The following PRELID2 variants were observed in gnomAD, a reference collection of about 807,000 sequenced individuals.
PRELID2 encodes the protein PRELI domain containing 2, also known as PRELI domain-containing protein 2.
In PRELID2, 25 loss-of-function variants were observed where a neutral mutation model predicts 28.4. That is an observed-to-expected ratio of 0.88 (90% CI 0.64 to 1.23). The LOEUF (loss-of-function observed/expected upper bound fraction) is 1.23. Ranked by LOEUF, PRELID2 falls within the 50% of genes most tolerant of loss-of-function variation. The probability of loss-of-function intolerance (pLI) is 0.00; values close to 1 mark genes in which losing one functional copy is unlikely to be tolerated. For synonymous variants in PRELID2, 76 were observed against 71.6 expected, an observed-to-expected ratio of 1.06 and a Z score of -0.31; for missense variants, 201 against 214.4, an observed-to-expected ratio of 0.94 and a Z score of 0.39.
chr5:145,488,380 C>A (rs1752240994), intron 1 of PRELID2, among the ~76,000 whole-genome samples: 1 of 152,138 alleles, frequency 6.6e-6, no homozygotes, highest in African/African-American at 2.4e-5. Flanking sequence ...CTCACTCCTG[C>A]AGCAACTCCG....
At chr5:145,819,618 C>G (rs572854337) in intron 3 of PRELID2, 47 of 578,178 alleles carry the variant, frequency 8.1e-5, no homozygotes, top group Non-Finnish European at 1.4e-4. Flanking sequence ...CTTCCCATTT[C>G]TGATCATTCT....
At chr5:145,675,207 G>A (rs529860684) in intron 1 of PRELID2, among the ~76,000 whole-genome samples, 38 of 152,016 alleles carry the variant, frequency 2.5e-4, no homozygotes, top group Non-Finnish European at 4.9e-4. Flanking sequence ...AGAATAAATC[G>A]ATTAATTATA....
At chr5:145,429,299 A>G in the PRELID2 span, among the ~76,000 whole-genome samples, 1 of 152,178 alleles carries the variant, frequency 6.6e-6, no homozygotes, top group African/African-American at 2.4e-5. Context: ...AGATTGGCTA[A>G]CGGATTGGTC....
the PRELID2 span, among the ~76,000 whole-genome samples, chr5:145,407,324 C>T: frequency 6.6e-6 from 1 of 152,096 alleles, no homozygotes; most frequent in Non-Finnish European, 1.5e-5. Context: ...TGGATAAGGC[C>T]TGTCACTTCT....
chr5:145,772,292 C>T (rs911439561), intron 5 of PRELID2, among the ~76,000 whole-genome samples: 1 of 151,926 alleles, frequency 6.6e-6, no homozygotes, highest in Admixed American at 6.6e-5. Context: ...GGCAATCAGG[C>T]TCAAGAATCC....
intron 1 of PRELID2, among the ~76,000 whole-genome samples, chr5:145,743,259 A>C (rs1186989144): frequency 1.3e-5 from 2 of 151,668 alleles, no homozygotes. Context: ...AAATACAAAA[A>C]ATTACCCAGG....
At chr5:145,792,306 T>G (rs1429167056) in intron 5 of PRELID2, among the ~76,000 whole-genome samples, 1 of 152,162 alleles carries the variant, frequency 6.6e-6, no homozygotes, top group Admixed American at 6.6e-5. Context: ...TCCCTATGCA[T>G]AAAATGAAAA....
chr5:145,781,876 T>C (rs900356776), intron 5 of PRELID2, among the ~76,000 whole-genome samples: 13 of 151,594 alleles, frequency 8.6e-5, no homozygotes, highest in African/African-American at 3.1e-4. Flanking sequence ...ATGCCTGCCA[T>C]AGGTTTATAC....
intron 1 of PRELID2, among the ~76,000 whole-genome samples, chr5:145,561,247 T>G (rs1752922971): frequency 6.6e-6 from 1 of 152,202 alleles, no homozygotes; most frequent in Non-Finnish European, 1.5e-5. Context: ...AAATACATAT[T>G]AACTTCCAAT....
intron 1 of PRELID2, among the ~76,000 whole-genome samples, chr5:145,643,193 G>C (rs551641481): frequency 6.6e-5 from 10 of 152,050 alleles, no homozygotes; most frequent in Non-Finnish European, 1.0e-4. Context: ...TTATTTCCTT[G>C]AGCAGTAGTT....
At chr5:145,790,628 T>G (rs1752305971) in intron 5 of PRELID2, among the ~76,000 whole-genome samples, 1 of 150,350 alleles carries the variant, frequency 6.7e-6, no homozygotes, top group Non-Finnish European at 1.5e-5. Context: ...AAACTCCAAA[T>G]GATCTCACCA....
At chr5:145,741,745 T>C (rs1451803375) in intron 1 of PRELID2, among the ~76,000 whole-genome samples, 10 of 112,022 alleles carry the variant, frequency 8.9e-5, no homozygotes, top group African/African-American at 3.3e-4. Flanking sequence ...AAATAATTTA[T>C]TTATATATTA....
At chr5:145,350,432 C>T in the PRELID2 span, among the ~76,000 whole-genome samples, 1 of 151,976 alleles carries the variant, frequency 6.6e-6, no homozygotes, top group African/African-American at 2.4e-5. Context: ...TTAGGGGAAA[C>T]CAGGAGGCAG....
Position 145,545,013 on chromosome 5 carries a change from C to A in PRELID2, n.71-71698G>T, listed in dbSNP as rs75728399. ...ACACTCTGATAACTATTTGCAAGTA[C>A]AAGTTCAATTTGAGGCCAATGAATT... On this transcript the variant is annotated intron_variant and non_coding_transcript_variant, in intron 1 of 2. Transcript: ENST00000510259. Among the ~76,000 whole-genome samples the A allele has an allele frequency of 3.6e-4, 55 of 152,190 alleles. No individual in the cohort carries two copies. The East Asian group carries it at 7.3e-3, about 20-fold the overall frequency.
chr5:145,599,233 G>C (rs765163468), intron 1 of PRELID2, among the ~76,000 whole-genome samples: 61 of 152,154 alleles, frequency 4.0e-4, no homozygotes, highest in Non-Finnish European at 7.4e-5. Context: ...GCCATTCAAG[G>C]CTGAAAGTCT....
the PRELID2 span, among the ~76,000 whole-genome samples, chr5:145,265,219 T>A: frequency 5.9e-5 from 9 of 151,380 alleles, no homozygotes; most frequent in Non-Finnish European, 1.2e-4. Flanking sequence ...CTGCAAAAAA[T>A]AAAATAAAAT....
In PRELID2 at chr5:145,607,136, T is replaced by C. The variant is rs186439531; in HGVS notation, n.71-133821A>G. Reference sequence around the variant, plus strand: ...TGTTTATTTGGATCTCCCCTCTTTTTTACTTTATTAGACCAGATAGCAGCC... The same window carrying C: ...TGTTTATTTGGATCTCCCCTCTTTTCTACTTTATTAGACCAGATAGCAGCC... On this transcript the variant is annotated intron_variant and non_coding_transcript_variant, in intron 1 of 2. Transcript: ENST00000510259. 7.0e-4 allele frequency among the ~76,000 whole-genome samples: 106 copies of C among 152,252 alleles called. 1 individual carries two copies. The highest frequency in any genetic ancestry group is 2.9e-3 in the South Asian group (14 of 4,828).
At chr5:145,772,474 G>A (rs573570514) in intron 5 of PRELID2, among the ~76,000 whole-genome samples, 22 of 152,200 alleles carry the variant, frequency 1.4e-4, no homozygotes, top group Non-Finnish European at 2.9e-4. Flanking sequence ...CAGTGCTGGA[G>A]GCTGGGAAGT....
intron 1 of PRELID2, among the ~76,000 whole-genome samples, chr5:145,541,057 T>C (rs1011199903): frequency 3.3e-5 from 5 of 152,006 alleles, no homozygotes; most frequent in African/African-American, 1.2e-4. Context: ...AAAGTGTAGA[T>C]AATTTCTGAA....
Sources: allele counts gnomAD v4.1 joint callset (sites outside exome capture counted in the v4.1 genomes callset), GRCh38; gene constraint gnomAD v4.1.1; transcripts MANE v1.5; gene names NCBI Gene and HGNC (gene_info 2026-07-23, HGNC 2026-07-21).